Variants in NFATC3 observed in about 807,000 individuals in gnomAD.
NFATC3 encodes the protein nuclear factor of activated T-cells, cytoplasmic 3.
In NFATC3, 46 loss-of-function variants were observed where a neutral mutation model predicts 98.6. That is an observed-to-expected ratio of 0.47 (90% CI 0.37 to 0.60). The LOEUF is 0.60. Among genes scored for constraint, NFATC3 ranks in the 20% least tolerant of loss-of-function variants. The pLI is 0.00. For synonymous variants in NFATC3, 512 were observed against 472.2 expected, an observed-to-expected ratio of 1.08 and a Z score of -1.09; for missense variants, 1,256 against 1,295.5, an observed-to-expected ratio of 0.97 and a Z score of 0.47.
In NFATC3 at chr16:68,138,078, G is replaced by A. The variant is rs936542531; in HGVS notation, c.1401+11468G>A. On this transcript the variant is annotated intron_variant, in intron 3 of 9. Coordinates refer to ENST00000346183, the MANE Select transcript of NFATC3 (RefSeq NM_173165.3). The stretch of plus-strand genomic sequence containing the variant: ...GAGACAGAGTCTCGTGCTGTTGCCC[G>A]GGCTAGAGTGCAGTGGCCCACATCT... 7.3e-5 allele frequency among the ~76,000 whole-genome samples: 11 copies of A among 151,202 alleles called. No homozygotes were observed. In the South Asian group the frequency reaches 1.3e-3, roughly 17 times the overall value.
chr16:68,160,379 C>A (rs1020335548), intron 4 of NFATC3, among the ~76,000 whole-genome samples: 1 of 151,990 alleles, frequency 6.6e-6, no homozygotes, highest in Non-Finnish European at 1.5e-5. Context: ...GCTTGAGAAT[C>A]GCTTGAATCC....
chr16:68,196,951 A>G (rs1183687254), intron 9 of NFATC3, among the ~76,000 whole-genome samples: 1 of 151,906 alleles, frequency 6.6e-6, no homozygotes, highest in Non-Finnish European at 1.5e-5. Flanking sequence ...AGTCGCTTGA[A>G]CCTGGGAGGC....
intron 9 of NFATC3, among the ~76,000 whole-genome samples, chr16:68,208,377 C>G (rs2151151312): frequency 6.6e-6 from 1 of 152,184 alleles, no homozygotes; most frequent in African/African-American, 2.4e-5. Flanking sequence ...TGGTTAATTC[C>G]TAAGTATTTT....
intron 9 of NFATC3, chr16:68,209,592 C>A: frequency 2.8e-6 from 1 of 351,346 alleles, no homozygotes; most frequent in Non-Finnish European, 5.6e-6. Context: ...GGGTCAGGCC[C>A]ATCTTTTGTG....
At position 68,195,419 on chromosome 16, in the gene NFATC3, T is replaced by C. The variant is rs369368452; in HGVS notation, c.3106+3644T>C. On this transcript the variant is annotated intron_variant, in intron 9 of 9. Coordinates refer to ENST00000346183, the MANE Select transcript of NFATC3 (RefSeq NM_173165.3). Reference sequence around the variant, plus strand: ...ACACAATGGTGTGCACCTGTAGTCCTGGCCACTTGGGAATGTGAGATGGAA... The same window carrying C: ...ACACAATGGTGTGCACCTGTAGTCCCGGCCACTTGGGAATGTGAGATGGAA... Among the ~76,000 whole-genome samples the C allele has an allele frequency of 5.5e-4, 84 of 152,130 alleles. 1 individual carries two copies. Among genetic ancestry groups the C allele is most frequent in the African/African-American group, 1.8e-3 (76 of 41,494 alleles).
At chr16:68,171,657 T>C (rs1349489843) in intron 5 of NFATC3, among the ~76,000 whole-genome samples, 1 of 152,082 alleles carries the variant, frequency 6.6e-6, no homozygotes, top group Non-Finnish European at 1.5e-5. Context: ...TATTTTTAAA[T>C]AAAGATGGGG....
rs116299759 is a variant in NFATC3, at chr16:68,131,362, C to A, written c.1401+4752C>A. On this transcript the variant is annotated intron_variant, in intron 3 of 9. Transcript: ENST00000346183. ...GTGTGATATTGGCTCACTGCAGCCT[C>A]TGCCTTCCGGGTTCAGGTGATTCTT... Among the ~76,000 whole-genome samples the A allele has an allele frequency of 9.9e-3, 1,501 of 152,304 alleles. 25 individuals are homozygous for A. Among genetic ancestry groups the A allele is most frequent in the African/African-American group, 0.034 (1,411 of 41,562 alleles).
intron 1 of NFATC3, chr16:68,086,597 A>G: frequency 1.0e-6 from 1 of 976,032 alleles, no homozygotes; most frequent in Non-Finnish European, 1.2e-6. Flanking sequence ...CTGGTTTGGA[A>G]TACTGTGGTT....
intron 1 of NFATC3, among the ~76,000 whole-genome samples, chr16:68,119,352 G>A (rs1346162896): frequency 2.0e-5 from 3 of 152,066 alleles, no homozygotes; most frequent in Non-Finnish European, 4.4e-5. Flanking sequence ...TCACCTGGAT[G>A]ATTACAGTAG....
intron 9 of NFATC3, among the ~76,000 whole-genome samples, chr16:68,204,971 C>G (rs988483631): frequency 6.8e-6 from 1 of 148,022 alleles, no homozygotes; most frequent in Non-Finnish European, 1.5e-5. Flanking sequence ...AACAGCTTTT[C>G]TCTGTTTGAA....
Position 68,191,490 on chromosome 16 carries a change from G to C in NFATC3, c.2821G>C (p.Gly941Arg), listed in dbSNP as rs1230564544. 1 of 1,614,054 alleles carries C rather than the reference G, an allele frequency of 6.2e-7. No individual in the cohort carries two copies. The highest frequency in any genetic ancestry group is 8.5e-7 in the Non-Finnish European group (1 of 1,180,026). Residue 941 changes from glycine (G) to arginine (R), a missense_variant, in exon 9 of 10, where the codon GGG becomes CGG. Coordinates refer to ENST00000346183, the MANE Select transcript of NFATC3 (RefSeq NM_173165.3). ...SHPLASSPLS[G>R]PPSPQLQPMP... ...TCCCTTGGCTAGTTCACCGCTTTCTGGGCCACCATCTCCTCAGCTTCAGCC... is the reference window on the plus strand; with the variant it reads ...TCCCTTGGCTAGTTCACCGCTTTCTCGGCCACCATCTCCTCAGCTTCAGCC...
intron 6 of NFATC3, 110 bp downstream of exon 6, chr16:68,174,624 G>T (rs1274556964): frequency 2.4e-6 from 2 of 822,644 alleles, no homozygotes. Context: ...AAAGCTATGG[G>T]TGTCATTTTG....
At chr16:68,157,173 A>G (rs940397641) in intron 3 of NFATC3, among the ~76,000 whole-genome samples, 1 of 151,794 alleles carries the variant, frequency 6.6e-6, no homozygotes, top group African/African-American at 2.4e-5. Context: ...GGCATAGAAA[A>G]CAAAGGCACA....
At position 68,123,031 on chromosome 16, in the gene NFATC3, T is replaced by C. The variant is rs760869503; in HGVS notation, c.1148T>C (p.Leu383Ser). 1.2e-6 allele frequency: 2 copies of C among 1,613,636 alleles called. No homozygotes were observed. Among genetic ancestry groups the C allele is most frequent in the Non-Finnish European group, 1.7e-6 (2 of 1,180,042 alleles). The part of the protein sequence containing the change: ...IDDGLGSQYP[L>S]KKDSCGDQFL... ...GATGGCCTTGGATCTCAGTATCCTT[T>C]AAAGAAAGATTCATGTGGTGATCAG... Residue 383 changes from leucine (L) to serine (S), a missense_variant, in exon 2 of 10, where the codon TTA becomes TCA. By Grantham distance (145) the Leu-to-Ser change is moderately radical. Transcript: ENST00000346183.
At chr16:68,121,237 CTTTTCTTTTT>C (rs1406227723) in intron 1 of NFATC3, among the ~76,000 whole-genome samples, 2 of 119,642 alleles carry the variant, frequency 1.7e-5, no homozygotes, top group East Asian at 5.0e-4. Context: ...CATTTCTTTT[CTTTTCTTTTT>C]TTTTTTTTTT....
chr16:68,118,267 G>C (rs1598394309), intron 1 of NFATC3, among the ~76,000 whole-genome samples: 1 of 152,248 alleles, frequency 6.6e-6, no homozygotes, highest in East Asian at 1.9e-4. Flanking sequence ...TTCCTTGTCT[G>C]ATTCTCTCTT....
chr16:68,112,720 G>A (rs1198781623), intron 1 of NFATC3, among the ~76,000 whole-genome samples: 2 of 142,796 alleles, frequency 1.4e-5, no homozygotes, highest in Non-Finnish European at 3.0e-5. Flanking sequence ...CTGCAGTGGC[G>A]CAATCTCGGC....
chr16:68,103,394 G>A (rs1348655946), intron 1 of NFATC3, among the ~76,000 whole-genome samples: 4 of 151,980 alleles, frequency 2.6e-5, no homozygotes, highest in Admixed American at 2.0e-4. Context: ...TTATTTTGTG[G>A]AGATGAGATT....
intron 4 of NFATC3, among the ~76,000 whole-genome samples, chr16:68,165,501 G>T (rs2039150415): frequency 6.7e-6 from 1 of 150,244 alleles, no homozygotes; most frequent in Non-Finnish European, 1.5e-5. Context: ...GGCTCAAGCA[G>T]TTTTCCTGCC....
Sources: gnomAD v4.1 joint callset for allele counts (sites outside exome capture counted in the v4.1 genomes callset) on GRCh38, gnomAD v4.1.1 for gene constraint, MANE v1.5 for transcripts, NCBI Gene and HGNC (gene_info 2026-07-23, HGNC 2026-07-21) for gene names.